FAM161A: variants seen among roughly 807,000 people sequenced by gnomAD.
FAM161A encodes FAM161 centrosomal protein A.
A neutral mutation model predicts 70.9 loss-of-function variants in FAM161A; 57 were observed. The ratio of observed to expected loss-of-function variants is 0.80; its 90% CI spans 0.65 to 1.00. The LOEUF is 1.00. FAM161A is among the 50% of genes least tolerant of loss of function. The pLI is 0.00. For missense variants in FAM161A, 880 were observed against 836.0 expected (o/e 1.05, Z -0.65); for synonymous variants, 299 against 295.7 (o/e 1.01, Z -0.12).
chr2:61,847,419 C>T (rs1673262230), intron 1 of FAM161A, among the ~76,000 whole-genome samples: 2 of 152,160 alleles, frequency 1.3e-5, no homozygotes, highest in South Asian at 2.1e-4. Flanking sequence ...TGACGTCCTA[C>T]ATATCTGTAC....
At chr2:61,848,513 T>C (rs1440205035) in intron 1 of FAM161A, among the ~76,000 whole-genome samples, 2 of 151,908 alleles carry the variant, frequency 1.3e-5, no homozygotes, top group African/African-American at 4.8e-5. Flanking sequence ...CGGCTTTTTG[T>C]GGAATGTTGT....
Position 61,825,565 on chromosome 2 carries a change from G to A in FAM161A, c.*890C>T. On this transcript the variant is annotated 3_prime_UTR_variant, in exon 7 of 7. Coordinates refer to ENST00000404929, the MANE Select transcript of FAM161A (RefSeq NM_001201543.2). ...AAGGATAAAAAGAAAAAGGGATGAT[G>A]GTGTAGACAATTTAACAGTAAACTC... 1 of 444,116 alleles carries A rather than the reference G, an allele frequency of 2.3e-6. No homozygotes were observed. Among genetic ancestry groups the A allele is most frequent in the Non-Finnish European group, 4.5e-6 (1 of 224,594 alleles). The allele number at this position is 444,116 out of a possible 1,614,324, so 27.5% of individuals were successfully genotyped here.
At chr2:61,804,041 G>C in the FAM161A span, among the ~76,000 whole-genome samples, 1 of 152,174 alleles carries the variant, frequency 6.6e-6, no homozygotes, top group Non-Finnish European at 1.5e-5. Context: ...AACGGCTGCT[G>C]GTTGCCCATT....
At chr2:61,819,593 G>A in the FAM161A span, among the ~76,000 whole-genome samples, 3 of 152,306 alleles carry the variant, frequency 2.0e-5, no homozygotes, top group South Asian at 2.1e-4. Flanking sequence ...ATTATCTTCA[G>A]TGGACTGTTC....
chr2:61,838,799 T>C, intron 3 of FAM161A, 94 bp from the exon 4 acceptor site: 1 of 930,548 alleles, frequency 1.1e-6, no homozygotes, highest in Non-Finnish European at 1.5e-6. Context: ...TTTTGATAAT[T>C]CAAAATTTGA....
At chr2:61,819,375 G>A in the FAM161A span, among the ~76,000 whole-genome samples, 1 of 152,010 alleles carries the variant, frequency 6.6e-6, no homozygotes, top group African/African-American at 2.4e-5. Context: ...GAGGAAGGAG[G>A]ATCACTGAGC....
rs1295770922 is a variant in FAM161A at position 61,825,227 on chromosome 2, A to G, written c.*1228T>C. 7 of 439,456 alleles carry G rather than the reference A, an allele frequency of 1.6e-5. No individual in the cohort carries two copies. The Admixed American group carries it at 1.8e-4, about 11-fold the overall frequency. The allele number at this position is 439,456 out of a possible 1,614,324, so 27.2% of individuals were successfully genotyped here. A position where few individuals can be genotyped will look rare whatever the true frequency, so the allele number is the denominator to read the frequency against. ...TTAAAACAAAAATTTGCTTAAAGAA[A>G]AAAATATAGATTTATAAAATCAGAT... On this transcript the variant is annotated 3_prime_UTR_variant, in exon 7 of 7. Coordinates refer to ENST00000404929, the MANE Select transcript of FAM161A (RefSeq NM_001201543.2).
chr2:61,806,241 G>T, the FAM161A span, among the ~76,000 whole-genome samples: 1 of 152,104 alleles, frequency 6.6e-6, no homozygotes, highest in Non-Finnish European at 1.5e-5. Context: ...AAGAAAGAAA[G>T]AAATTGCAAT....
At chr2:61,810,148 G>A in the FAM161A span, among the ~76,000 whole-genome samples, 339 of 152,246 alleles carry the variant, frequency 2.2e-3, 1 homozygote, top group East Asian at 0.033. Context: ...ACTATGTTTT[G>A]GGGGTGGCTT....
intron 3 of FAM161A, 90 bp downstream of exon 3, chr2:61,839,331 A>G: frequency 8.7e-7 from 1 of 1,151,262 alleles, no homozygotes; most frequent in Non-Finnish European, 1.3e-6. Context: ...ATTTCTAAGT[A>G]TTTTCAAATT....
downstream of FAM161A, among the ~76,000 whole-genome samples, chr2:61,823,257 T>A (rs1177694621): frequency 6.7e-6 from 1 of 149,596 alleles, no homozygotes; most frequent in Non-Finnish European, 1.5e-5. Context: ...CACTTGAACC[T>A]GGGTGGCAGG....
In FAM161A at chr2:61,853,898, G is replaced by A; in HGVS notation, c.144C>T (p.Asp48=). The change falls in exon 1 of 7, where the codon GAC becomes GAT. Residue 48 remains aspartate, a synonymous_variant. Coordinates refer to ENST00000404929, the MANE Select transcript of FAM161A (RefSeq NM_001201543.2). ...GCTGAGCCACTTTCTCCTCCTCTTCGTCCTCCAAGATCGCCTCCGCTGCCG... is the reference window on the plus strand; with the variant it reads ...GCTGAGCCACTTTCTCCTCCTCTTCATCCTCCAAGATCGCCTCCGCTGCCG... ...ALAAAEAILE[D]EEEEKVAQPA... 6.2e-7 allele frequency: 1 copy of A among 1,613,918 alleles called. No individual in the cohort carries two copies. The highest frequency in any genetic ancestry group is 8.5e-7 in the Non-Finnish European group (1 of 1,179,830).
chr2:61,829,997 C>T (rs7565572), intron 5 of FAM161A, among the ~76,000 whole-genome samples: 148,930 of 152,172 alleles, frequency 0.98, 72,886 homozygotes, highest in East Asian at 1. Context: ...AAAGCAATGG[C>T]GATTCACTGC....
chr2:61,803,083 T>C, the FAM161A span: 1 of 354,120 alleles, frequency 2.8e-6, no homozygotes, highest in South Asian at 2.9e-5. Flanking sequence ...TCCTAACACA[T>C]AGGATAGGAC....
intron 4 of FAM161A, 39 bp from the exon 5 acceptor site, chr2:61,836,148 T>C (rs1672767104): frequency 7.1e-7 from 1 of 1,411,968 alleles, no homozygotes; most frequent in African/African-American, 1.4e-5. Flanking sequence ...TAAAAGATCA[T>C]CTAAGAAATA....
At chr2:61,830,756 C>G (rs894401757) in intron 5 of FAM161A, among the ~76,000 whole-genome samples, 2 of 151,536 alleles carry the variant, frequency 1.3e-5, no homozygotes, top group Non-Finnish European at 2.9e-5. Context: ...GATCCTCCCC[C>G]CCTCAGTTTC....
chr2:61,840,040 G>C lies in FAM161A; in HGVS notation c.964C>G (p.Gln322Glu). Reference protein sequence around the residue: ...EKSKEALLASQKPFKFIAREE... With the variant: ...EKSKEALLASEKPFKFIAREE... ...CTTGCTATAAATTTAAATGGCTTTTGTGAGGCCAAAAGAGCTTCTTTGCTT... is the reference window on the plus strand; with the variant it reads ...CTTGCTATAAATTTAAATGGCTTTTCTGAGGCCAAAAGAGCTTCTTTGCTT... Residue 322 changes from glutamine to glutamate, a missense_variant, in exon 3 of 7, where the codon CAA becomes GAA. Coordinates refer to ENST00000404929, the MANE Select transcript of FAM161A (RefSeq NM_001201543.2). 6.2e-7 allele frequency: 1 copy of C among 1,614,128 alleles called. No individual in the cohort carries two copies. The highest frequency in any genetic ancestry group is 1.1e-5 in the South Asian group (1 of 91,080).
chr2:61,813,547 CA>C, the FAM161A span, among the ~76,000 whole-genome samples: 15,863 of 56,134 alleles, frequency 0.28, 705 homozygotes, highest in Middle Eastern at 0.32. Context: ...GACTCCACCT[CA>C]AAAAAAAAAA....
chr2:61,850,469 G>A (rs1475904687), intron 1 of FAM161A, among the ~76,000 whole-genome samples: 5 of 152,074 alleles, frequency 3.3e-5, no homozygotes, highest in Non-Finnish European at 5.9e-5. Context: ...ATCGACAGTG[G>A]AGCCAGGCAC....
Sources: gnomAD v4.1 joint callset for allele counts (sites outside exome capture counted in the v4.1 genomes callset) on GRCh38, gnomAD v4.1.1 for gene constraint, MANE v1.5 for transcripts, NCBI Gene and HGNC (gene_info 2026-07-23, HGNC 2026-07-21) for gene names.